The following STT3B variants were observed in gnomAD, a reference collection of about 807,000 sequenced individuals.
STT3B encodes the protein dolichyl-diphosphooligosaccharide--protein glycosyltransferase subunit STT3B.
Under a neutral mutation model 96.8 loss-of-function variants are expected in STT3B, and 29 were observed. The ratio of observed to expected loss-of-function variants is 0.30; its 90% CI spans 0.22 to 0.41. The LOEUF is 0.41. STT3B is among the 10% of genes least tolerant of loss of function. The pLI, the probability that STT3B is intolerant of heterozygous loss-of-function variation, is 1.00. For missense variants in STT3B, 640 were observed against 1,022.3 expected, an observed-to-expected ratio of 0.63 and a Z score of 5.10; for synonymous variants, 367 against 360.0, an observed-to-expected ratio of 1.02 and a Z score of -0.22.
At chr3:31,549,942 A>G (rs1317825352) in intron 1 of STT3B, among the ~76,000 whole-genome samples, 1 of 152,116 alleles carries the variant, frequency 6.6e-6, no homozygotes, top group African/African-American at 2.4e-5. Context: ...GTTTTAATTG[A>G]TCAAATATAC....
At position 31,582,429 on chromosome 3, in the gene STT3B, G is replaced by A. The variant is rs190928876; in HGVS notation, c.711+2333G>A. 5.9e-3 allele frequency among the ~76,000 whole-genome samples: 901 copies of A among 151,702 alleles called. 8 individuals carry two copies. The highest frequency in any genetic ancestry group is 0.01 in the Middle Eastern group (3 of 292). On this transcript the variant is annotated intron_variant, in intron 3 of 15. Transcript: ENST00000295770. ...TCTGCCTCAGCCTCCCGAGTAGCTG[G>A]GACTACAGGCGCCTGCCACTACGTG...
chr3:31,631,353 G>GC (rs1225857884), intron 14 of STT3B, among the ~76,000 whole-genome samples: 1 of 152,154 alleles, frequency 6.6e-6, no homozygotes, highest in Non-Finnish European at 1.5e-5. Flanking sequence ...TTAAACGCTT[G>GC]CTAAGAAAGA....
rs372261054 is a variant in STT3B at position 31,557,242 on chromosome 3, G to A, written c.315-19154G>A. On this transcript the variant is annotated intron_variant, in intron 1 of 15. Transcript: ENST00000295770. Reference sequence around the variant, plus strand: ...ATTCTCTGTTCTGTGCCATTGGTCTGTGTCTTTTTATACTAAAACCATGCT... The same window carrying A: ...ATTCTCTGTTCTGTGCCATTGGTCTATGTCTTTTTATACTAAAACCATGCT... Among the ~76,000 whole-genome samples, 171 of 152,258 alleles carry A rather than the reference G, an allele frequency of 1.1e-3. 1 individual carries two copies. Among genetic ancestry groups the A allele is most frequent in the Middle Eastern group, 3.4e-3 (1 of 294 alleles).
chr3:31,618,287 T>TTACCTTACA (rs57924710), intron 8 of STT3B, among the ~76,000 whole-genome samples: 1 of 151,600 alleles, frequency 6.6e-6, no homozygotes, highest in Non-Finnish European at 1.5e-5. Context: ...GATTTGTCTT[T>TTACCTTACA]TATAACATTT....
chr3:31,627,536 A>G (rs1226126323), intron 13 of STT3B, among the ~76,000 whole-genome samples: 1 of 152,204 alleles, frequency 6.6e-6, no homozygotes, highest in African/African-American at 2.4e-5. Context: ...GTGCTTTTAC[A>G]TGATGAAGGC....
intron 1 of STT3B, among the ~76,000 whole-genome samples, chr3:31,562,139 G>A (rs1422285290): frequency 6.6e-6 from 1 of 152,128 alleles, no homozygotes; most frequent in Non-Finnish European, 1.5e-5. Flanking sequence ...TTAGGTGCTG[G>A]GATTCCAGTG....
At chr3:31,612,108 G>T (rs1699195224) in intron 5 of STT3B, among the ~76,000 whole-genome samples, 1 of 152,086 alleles carries the variant, frequency 6.6e-6, no homozygotes, top group Non-Finnish European at 1.5e-5. Flanking sequence ...ATATTCACTG[G>T]AGCGTTTCCT....
intron 1 of STT3B, among the ~76,000 whole-genome samples, chr3:31,564,145 A>T (rs1469087499): frequency 4.6e-5 from 7 of 151,728 alleles, no homozygotes; most frequent in Non-Finnish European, 7.4e-5. Flanking sequence ...ATTTCTATAT[A>T]AAAAAAATAG....
chr3:31,550,814 T>C (rs1015341643), intron 1 of STT3B, among the ~76,000 whole-genome samples: 4 of 152,058 alleles, frequency 2.6e-5, no homozygotes, highest in African/African-American at 4.8e-5. Context: ...TTTTTCCATG[T>C]GTTACTTTTA....
chr3:31,619,104 G>T (rs958143237), intron 8 of STT3B, among the ~76,000 whole-genome samples: 1 of 151,838 alleles, frequency 6.6e-6, no homozygotes, highest in African/African-American at 2.4e-5. Context: ...GTAATTATTG[G>T]GTAAAGTATT....
At chr3:31,581,367 C>A (rs116338874) in intron 3 of STT3B, among the ~76,000 whole-genome samples, 11,275 of 152,100 alleles carry the variant, frequency 0.074, 556 homozygotes, top group Non-Finnish European at 0.12. Flanking sequence ...AGGTTCATAA[C>A]TATTTTAATA....
chr3:31,552,637 A>G (rs1457877622), intron 1 of STT3B, among the ~76,000 whole-genome samples: 2 of 152,270 alleles, frequency 1.3e-5, no homozygotes, highest in African/African-American at 2.4e-5. Context: ...TCCTCTCTCA[A>G]GAACACTTCT....
At chr3:31,562,513 G>A (rs1697904944) in intron 1 of STT3B, among the ~76,000 whole-genome samples, 2 of 152,184 alleles carry the variant, frequency 1.3e-5, no homozygotes, top group South Asian at 2.1e-4. Context: ...GCTGGCAGTG[G>A]TAGGCAAGGG....
At chr3:31,568,677 A>G (rs958108844) in intron 1 of STT3B, among the ~76,000 whole-genome samples, 1 of 152,178 alleles carries the variant, frequency 6.6e-6, no homozygotes, top group Non-Finnish European at 1.5e-5. Context: ...TTAACCTAAG[A>G]TTAAAAGTAT....
chr3:31,544,796 T>G (rs1397914806), intron 1 of STT3B, among the ~76,000 whole-genome samples: 2 of 152,044 alleles, frequency 1.3e-5, no homozygotes, highest in African/African-American at 4.8e-5. Flanking sequence ...GCCAACATGA[T>G]GAAACCCTAT....
At chr3:31,634,642 G>A (rs1699725511) in intron 15 of STT3B, among the ~76,000 whole-genome samples, 1 of 152,122 alleles carries the variant, frequency 6.6e-6, no homozygotes, top group Non-Finnish European at 1.5e-5. Context: ...GAGTTTACCA[G>A]CCATCGCAAA....
intron 1 of STT3B, among the ~76,000 whole-genome samples, chr3:31,549,838 A>G (rs1251123211): frequency 2.6e-5 from 4 of 152,216 alleles, no homozygotes; most frequent in Admixed American, 6.5e-5. Context: ...CGTGCGTTAT[A>G]TAAAGAGAAA....
At chr3:31,629,926 T>G (rs1699619571) in intron 14 of STT3B, among the ~76,000 whole-genome samples, 1 of 152,070 alleles carries the variant, frequency 6.6e-6, no homozygotes, top group South Asian at 2.1e-4. Context: ...ACAAAATGAG[T>G]GAATGTGCAA....
chr3:31,561,463 G>A (rs190061936), intron 1 of STT3B, among the ~76,000 whole-genome samples: 2,478 of 151,936 alleles, frequency 0.016, 43 homozygotes, highest in Non-Finnish European at 0.02. Context: ...TATACAGTTA[G>A]GTTATTATTG....
Sources: gnomAD v4.1 joint callset for allele counts (sites outside exome capture counted in the v4.1 genomes callset) on GRCh38, gnomAD v4.1.1 for gene constraint, MANE v1.5 for transcripts, NCBI Gene and HGNC (gene_info 2026-07-23, HGNC 2026-07-21) for gene names.